The following TMEM120B variants were observed in gnomAD, a reference collection of about 807,000 sequenced individuals.
TMEM120B encodes the protein transmembrane protein 120B.
In TMEM120B, 31 loss-of-function variants were observed where a neutral mutation model predicts 55.5. That is an observed-to-expected ratio of 0.56 (90% CI 0.42 to 0.75). The LOEUF (loss-of-function observed/expected upper bound fraction) is 0.75, where lower values mean the gene tolerates loss of function less well. TMEM120B is among the 30% of genes least tolerant of loss of function. The pLI is 0.00. For missense variants in TMEM120B, 399 were observed against 425.5 expected (o/e 0.94, Z 0.55); for synonymous variants, 203 against 176.3 (o/e 1.15, Z -1.20).
At position 121,735,696 on chromosome 12, in the gene TMEM120B, C is replaced by CT. The variant is rs1325236487; in HGVS notation, c.70-7921dup. Among the ~76,000 whole-genome samples the CT allele has an allele frequency of 8.5e-3, 1,042 of 122,126 alleles. 16 individuals are homozygous for CT. Among genetic ancestry groups the CT allele is most frequent in the African/African-American group, 0.026 (858 of 32,706 alleles). The allele number at this position is 122,126 out of a possible 152,430, so 80.1% of individuals were successfully genotyped here. A position where few individuals can be genotyped will look rare whatever the true frequency, so the allele number is the denominator to read the frequency against. The stretch of plus-strand genomic sequence containing the variant: ...ACAGGCATGAGCCACCGTGCCCGGC[C>CT]TTTTTTTTTTTTGAGACCAAGTCTC... On this transcript the variant is annotated intron_variant, in intron 1 of 11. Coordinates refer to ENST00000449592, the MANE Select transcript of TMEM120B (RefSeq NM_001080825.2).
At chr12:121,736,328 T>C (rs894345618) in intron 1 of TMEM120B, among the ~76,000 whole-genome samples, 30 of 103,444 alleles carry the variant, frequency 2.9e-4, no homozygotes, top group African/African-American at 1.0e-3. Context: ...TTGTTTGGTG[T>C]TTTTTTTTTT....
In TMEM120B at chr12:121,779,219, C is replaced by T. The variant is rs1350565598; in HGVS notation, c.*3497C>T. 2 of 494,430 alleles carry T rather than the reference C, an allele frequency of 4.0e-6. No individual in the cohort carries two copies. The highest frequency in any genetic ancestry group is 2.5e-5 in the South Asian group (1 of 39,612). 30.6% of individuals were successfully genotyped at this position (494,430 alleles called of 1,614,324 possible). A position where few individuals can be genotyped will look rare whatever the true frequency, so the allele number is the denominator to read the frequency against. ...CTTGAGTCTGCACTGGGGAGACACT[C>T]GTGGTGGGGGTGGCTGTGATGAGGG... On this transcript the variant is annotated 3_prime_UTR_variant, in exon 12 of 12. Transcript: ENST00000449592.
chr12:121,729,987 G>A (rs1167899126), intron 1 of TMEM120B, among the ~76,000 whole-genome samples: 4 of 152,158 alleles, frequency 2.6e-5, no homozygotes, highest in East Asian at 3.9e-4. Context: ...CTGGCCAGGT[G>A]CGGTGGCTCA....
At chr12:121,726,239 TG>T (rs1894888578) in intron 1 of TMEM120B, among the ~76,000 whole-genome samples, 1 of 151,928 alleles carries the variant, frequency 6.6e-6, no homozygotes, top group Admixed American at 6.6e-5. Flanking sequence ...ATTATTAAAA[TG>T]GGTGAATTGT....
chr12:121,750,526 C>A, intron 4 of TMEM120B, 87 bp downstream of exon 4: 1 of 1,033,650 alleles, frequency 9.7e-7, no homozygotes, highest in Non-Finnish European at 1.5e-6. Flanking sequence ...ACTGAGAACC[C>A]ACACCCCACA....
At chr12:121,774,866 G>A in intron 10 of TMEM120B, 144 bp downstream of exon 10, 1 of 1,213,530 alleles carries the variant, frequency 8.2e-7, no homozygotes, top group Non-Finnish European at 1.2e-6. Context: ...CTGGGCCCAG[G>A]GATGCCAAGG....
chr12:121,739,074 C>T (rs541010058), intron 1 of TMEM120B, among the ~76,000 whole-genome samples: 48 of 152,230 alleles, frequency 3.2e-4, no homozygotes, highest in African/African-American at 1.1e-3. Context: ...ATAATCCCAG[C>T]TACTTGGGAG....
chr12:121,762,305 T>G (rs933186585), intron 6 of TMEM120B, among the ~76,000 whole-genome samples: 13 of 151,638 alleles, frequency 8.6e-5, no homozygotes, highest in African/African-American at 3.2e-4. Flanking sequence ...CCCATTGTTC[T>G]GCCTTCAGTT....
chr12:121,765,775 C>T (rs980244580), intron 6 of TMEM120B, among the ~76,000 whole-genome samples: 2 of 152,126 alleles, frequency 1.3e-5, no homozygotes, highest in South Asian at 2.1e-4. Flanking sequence ...ATTTAGCCTC[C>T]GCCCTCCTCC....
intron 1 of TMEM120B, 51 bp from the exon 2 acceptor site, chr12:121,743,578 G>T: frequency 3.0e-6 from 4 of 1,324,166 alleles, no homozygotes; most frequent in East Asian, 2.3e-5. Context: ...AAAAGAAAAT[G>T]AGCTGTTCAT....
intron 1 of TMEM120B, among the ~76,000 whole-genome samples, chr12:121,733,705 T>G (rs1895047758): frequency 6.6e-6 from 1 of 151,580 alleles, no homozygotes; most frequent in Non-Finnish European, 1.5e-5. Flanking sequence ...GCCTGGCTAA[T>G]TTTTGTATTT....
chr12:121,736,764 C>G (rs1033194276), intron 1 of TMEM120B, among the ~76,000 whole-genome samples: 2 of 152,062 alleles, frequency 1.3e-5, no homozygotes, highest in African/African-American at 4.8e-5. Context: ...AGGCTGGTCT[C>G]AAACTCCTGA....
chr12:121,781,179 A>G lies in TMEM120B; in HGVS notation c.*5457A>G, dbSNP rs1382771092. On this transcript the variant is annotated 3_prime_UTR_variant, in exon 12 of 12. Transcript: ENST00000449592. ...GGTAGGACAGGGGCCGCAGCCGGTC[A>G]TAGTCTTCTTGCCCTGAAAGCACAG... 1 of 1,614,112 alleles carries G rather than the reference A, an allele frequency of 6.2e-7. No homozygotes were observed. Among genetic ancestry groups the G allele is most frequent in the African/African-American group, 1.3e-5 (1 of 74,944 alleles).
At chr12:121,721,469 G>A (rs1408093460) in intron 1 of TMEM120B, among the ~76,000 whole-genome samples, 1 of 151,150 alleles carries the variant, frequency 6.6e-6, no homozygotes, top group Admixed American at 6.6e-5. Flanking sequence ...ATGAGTGCCT[G>A]GTCCTCCTTT....
At chr12:121,760,475 G>C (rs748886331) in intron 5 of TMEM120B, among the ~76,000 whole-genome samples, 143 of 152,334 alleles carry the variant, frequency 9.4e-4, no homozygotes, top group Non-Finnish European at 1.6e-3. Context: ...TGGCCTGCGA[G>C]CTGGGAGGGG....
chr12:121,762,938 CTGAG>C (rs1014345256), intron 6 of TMEM120B, among the ~76,000 whole-genome samples: 5 of 152,100 alleles, frequency 3.3e-5, no homozygotes, highest in Admixed American at 6.6e-5. Context: ...CACAGTGGTG[CTGAG>C]TGAGTCCAGG....
In TMEM120B at chr12:121,748,384, A is replaced by T. The variant is rs746488527; in HGVS notation, c.247A>T (p.Ile83Phe). Reference protein sequence around the residue: ...AELVQQMAANIKERQDVFFDM... With the variant: ...AELVQQMAANFKERQDVFFDM... Reference sequence around the variant, plus strand: ...GCTCGTTCAGCAGATGGCAGCGAACATCAAGGAGCGGCAGGACGTCTTCTT... The same window carrying T: ...GCTCGTTCAGCAGATGGCAGCGAACTTCAAGGAGCGGCAGGACGTCTTCTT... The change falls in exon 3 of 12, where the codon ATC becomes TTC. Residue 83 changes from isoleucine (I) to phenylalanine (F), a missense_variant. Physicochemically the swap from Ile to Phe is conservative, Grantham distance 21. Coordinates refer to ENST00000449592, the MANE Select transcript of TMEM120B (RefSeq NM_001080825.2). 1 of 1,611,110 alleles carries T rather than the reference A, an allele frequency of 6.2e-7. No individual in the cohort carries two copies. The highest frequency in any genetic ancestry group is 8.5e-7 in the Non-Finnish European group (1 of 1,178,680).
intron 2 of TMEM120B, among the ~76,000 whole-genome samples, chr12:121,746,540 TC>T (rs1873089670): frequency 6.6e-6 from 1 of 151,762 alleles, no homozygotes; most frequent in East Asian, 1.9e-4. Context: ...GCTATGTTAG[TC>T]AGGCTGGTCT....
chr12:121,762,751 G>A (rs1453534209), intron 6 of TMEM120B, among the ~76,000 whole-genome samples: 1 of 152,188 alleles, frequency 6.6e-6, no homozygotes, highest in Non-Finnish European at 1.5e-5. Context: ...AGGTGAAGAG[G>A]ATATTAGGCC....
Sources: gnomAD v4.1 joint callset for allele counts (sites outside exome capture counted in the v4.1 genomes callset) on GRCh38, gnomAD v4.1.1 for gene constraint, MANE v1.5 for transcripts, NCBI Gene and HGNC (gene_info 2026-07-23, HGNC 2026-07-21) for gene names.